Variants in RAB25 observed in about 807,000 individuals in gnomAD.
RAB25 encodes the protein ras-related protein Rab-25.
A neutral mutation model predicts 25.2 loss-of-function variants in RAB25; 23 were observed. The ratio of observed to expected loss-of-function variants is 0.91; its 90% CI spans 0.66 to 1.29. RAB25 has a LOEUF of 1.29. Among genes scored for constraint, RAB25 ranks in the 50% most tolerant of loss-of-function variants. RAB25 has a pLI of 0.00. For synonymous variants in RAB25, 102 were observed against 111.5 expected (o/e 0.91, Z 0.54); for missense variants, 244 against 277.3 (o/e 0.88, Z 0.85).
At chr1:156,067,145 A>C (rs1235989342) in intron 2 of RAB25, among the ~76,000 whole-genome samples, 2 of 151,274 alleles carry the variant, frequency 1.3e-5, no homozygotes, top group Non-Finnish European at 2.9e-5. Flanking sequence ...AGACAGGAGA[A>C]TCACTCGAAC....
At chr1:156,063,755 T>C (rs1043907406) in intron 1 of RAB25, among the ~76,000 whole-genome samples, 1 of 152,252 alleles carries the variant, frequency 6.6e-6, no homozygotes, top group African/African-American at 2.4e-5. Flanking sequence ...CCAGCACATC[T>C]CTGTGTTTAC....
intron 4 of RAB25, 43 bp from the exon 5 acceptor site, chr1:156,070,117 G>A (rs562898062): frequency 1.2e-6 from 2 of 1,613,972 alleles, no homozygotes; most frequent in African/African-American, 1.3e-5. Context: ...GGGAGCATGG[G>A]CTCTAAATCT....
intron 2 of RAB25, chr1:156,066,402 G>A: frequency 3.6e-6 from 1 of 274,882 alleles, no homozygotes; most frequent in Middle Eastern, 1.1e-3. Flanking sequence ...AACCCTTAAA[G>A]TACCACAGGA....
chr1:156,068,191 C>G, intron 2 of RAB25, 79 bp from the exon 3 acceptor site: 1 of 1,300,742 alleles, frequency 7.7e-7, no homozygotes, highest in South Asian at 1.3e-5. Context: ...CCCGGGTGTT[C>G]CAGCTTGACG....
In RAB25 at chr1:156,065,873, C is replaced by G. The variant is rs146658867; in HGVS notation, c.44-38C>G. 1,816 of 1,518,106 alleles carry G rather than the reference C, an allele frequency of 1.2e-3. 12 individuals are homozygous for G. The highest frequency in any genetic ancestry group is 7.5e-3 in the South Asian group (581 of 77,696). The allele number at this position is 1,518,106 out of a possible 1,614,324, so 94.0% of individuals were successfully genotyped here. On this transcript the variant is annotated intron_variant, in intron 1 of 4. Coordinates refer to ENST00000361084, the MANE Select transcript of RAB25 (RefSeq NM_020387.4). ...AAGCTCAGGTGGGGTTGGAGCTGCT[C>G]TACCCCATGCTCAGCCCTTATCTCT...
intron 2 of RAB25, among the ~76,000 whole-genome samples, chr1:156,068,043 G>A (rs1213834842): frequency 1.3e-5 from 2 of 152,162 alleles, no homozygotes; most frequent in African/African-American, 2.4e-5. Flanking sequence ...GTGAGCCACC[G>A]CGCCTGGCCG....
chr1:156,065,507 GCAATGTTCTC>G (rs2102769944), intron 1 of RAB25, among the ~76,000 whole-genome samples: 1 of 152,204 alleles, frequency 6.6e-6, no homozygotes, highest in Admixed American at 6.5e-5. Context: ...AGAGACAAGT[GCAATGTTCTC>G]ATACTCCAAG....
At chr1:156,063,238 C>T (rs1167057363) in intron 1 of RAB25, among the ~76,000 whole-genome samples, 3 of 151,814 alleles carry the variant, frequency 2.0e-5, no homozygotes, top group South Asian at 2.1e-4. Context: ...CTACAACCTC[C>T]GCCTCCTGGG....
At chr1:156,070,100 G>T in intron 4 of RAB25, 60 bp from the exon 5 acceptor site, 1 of 1,613,476 alleles carries the variant, frequency 6.2e-7, no homozygotes, top group Non-Finnish European at 8.5e-7. Flanking sequence ...GGGGGGGTTG[G>T]GGAGAAGGGA....
At chr1:156,063,811 G>A (rs552335929) in intron 1 of RAB25, among the ~76,000 whole-genome samples, 9 of 152,348 alleles carry the variant, frequency 5.9e-5, no homozygotes, top group South Asian at 2.1e-4. Context: ...CCTCCAAAGC[G>A]CCTTGTCTGT....
chr1:156,070,235 C>T lies in RAB25; in HGVS notation c.590C>T (p.Ala197Val), dbSNP rs751518675. ...GCCATCACTCTGGGCAGTGCCCAGG[C>T]TGGACAGGAGCCTGGCCCTGGGGAG... ...TNAITLGSAQAGQEPGPGEKR... is the reference protein window; with the variant it reads ...TNAITLGSAQVGQEPGPGEKR... The change falls in exon 5 of 5, where the codon GCT becomes GTT. Residue 197 changes from alanine to valine, a missense_variant. By Grantham distance (64) the Ala-to-Val change is moderately conservative (BLOSUM62 0). Transcript: ENST00000361084. 1 of 1,613,980 alleles carries T rather than the reference C, an allele frequency of 6.2e-7. No individual in the cohort carries two copies. Among genetic ancestry groups the T allele is most frequent in the Admixed American group, 1.7e-5 (1 of 60,006 alleles).
chr1:156,067,837 C>T (rs1647786109), intron 2 of RAB25, among the ~76,000 whole-genome samples: 2 of 152,192 alleles, frequency 1.3e-5, no homozygotes, highest in African/African-American at 4.8e-5. Context: ...ACTGCAACTT[C>T]CGCTTCCCGA....
intron 1 of RAB25, among the ~76,000 whole-genome samples, chr1:156,062,975 A>G (rs542228157): frequency 1.3e-5 from 2 of 150,004 alleles, no homozygotes; most frequent in African/African-American, 4.9e-5. Flanking sequence ...AATCACTTGA[A>G]CCCAGGAAGC....
intron 2 of RAB25, among the ~76,000 whole-genome samples, chr1:156,066,883 T>G (rs1481961534): frequency 6.6e-6 from 1 of 152,012 alleles, no homozygotes; most frequent in Non-Finnish European, 1.5e-5. Flanking sequence ...GAAGTTGCAG[T>G]GAGCCGAAAT....
rs1647570575 is a variant in RAB25 at position 156,061,276 on chromosome 1, T to C, written c.-125T>C. The C allele has an allele frequency of 2.0e-6, 2 of 987,722 alleles. No homozygotes were observed. Among genetic ancestry groups the C allele is most frequent in the African/African-American group, 3.2e-5 (2 of 62,096 alleles). 61.2% of individuals were successfully genotyped at this position (987,722 alleles called of 1,614,324 possible). On this transcript the variant is annotated 5_prime_UTR_variant, in exon 1 of 5. Transcript: ENST00000361084. Reference sequence around the variant, plus strand: ...ATCCCTCTGGCTGCAGAAGTCCCCTTACCCCCAATGAGAGGAGGGGCAGGA... The same window carrying C: ...ATCCCTCTGGCTGCAGAAGTCCCCTCACCCCCAATGAGAGGAGGGGCAGGA...
At chr1:156,069,395 G>A (rs754876815) in intron 3 of RAB25, among the ~76,000 whole-genome samples, 35 of 151,970 alleles carry the variant, frequency 2.3e-4, no homozygotes, top group Admixed American at 8.5e-4. Context: ...TGGCCAAGCC[G>A]GTCTTGAACT....
At chr1:156,069,878 C>G (rs769419178) in intron 4 of RAB25, 127 bp downstream of exon 4, 36 of 948,450 alleles carry the variant, frequency 3.8e-5, no homozygotes, top group Non-Finnish European at 5.9e-5. Flanking sequence ...CCTGGCACCA[C>G]TGCCTGTCCC....
chr1:156,066,465 A>G (rs1216473831), intron 2 of RAB25, among the ~76,000 whole-genome samples: 2 of 152,218 alleles, frequency 1.3e-5, no homozygotes, highest in Non-Finnish European at 2.9e-5. Flanking sequence ...AGGTGAAATC[A>G]GGGTGGAGCT....
In RAB25 at chr1:156,070,311, C is replaced by T. The variant is rs1022098799; in HGVS notation, c.*24C>T. ...GACCTTGGCCAGCACCACCTGCCCCCACTGGCTTTTTGGTGCCCCTTGTCC... is the reference window on the plus strand; with the variant it reads ...GACCTTGGCCAGCACCACCTGCCCCTACTGGCTTTTTGGTGCCCCTTGTCC... On this transcript the variant is annotated 3_prime_UTR_variant, in exon 5 of 5. Coordinates refer to ENST00000361084, the MANE Select transcript of RAB25 (RefSeq NM_020387.4). The T allele has an allele frequency of 3.1e-6, 5 of 1,608,858 alleles. No individual in the cohort carries two copies. In the African/African-American group the frequency reaches 6.7e-5, roughly 22 times the overall value.
Sources: gnomAD v4.1 joint callset for allele counts (sites outside exome capture counted in the v4.1 genomes callset) on GRCh38, gnomAD v4.1.1 for gene constraint, MANE v1.5 for transcripts, NCBI Gene and HGNC (gene_info 2026-07-23, HGNC 2026-07-21) for gene names.